TCF20: variants seen among roughly 807,000 people sequenced by gnomAD.
The protein encoded by TCF20 is SPRE-binding protein.
TCF20 carries 3 observed loss-of-function variants against 148.6 expected under a neutral mutation model. That is an observed-to-expected ratio of 0.02 (90% CI 0.01 to 0.05). The LOEUF (loss-of-function observed/expected upper bound fraction) is 0.05. Ranked by LOEUF, TCF20 falls within the 10% of genes least tolerant of loss-of-function variation. The pLI, the probability that TCF20 is intolerant of heterozygous loss-of-function variation, is 1.00. For missense variants in TCF20, 2,350 were observed against 2,429.3 expected, an observed-to-expected ratio of 0.97 and a Z score of 0.69; for synonymous variants, 1,049 against 909.5, an observed-to-expected ratio of 1.15 and a Z score of -2.76.
At chr22:42,240,833 T>C (rs1380290050) in intron 1 of TCF20, among the ~76,000 whole-genome samples, 1 of 151,618 alleles carries the variant, frequency 6.6e-6, no homozygotes, top group Non-Finnish European at 1.5e-5. Flanking sequence ...ATCTGGATAG[T>C]CCATAAAAAA....
intron 5 of TCF20, 80 bp from the exon 6 acceptor site, chr22:42,161,438 CT>C: frequency 1.9e-6 from 3 of 1,603,328 alleles, no homozygotes; most frequent in African/African-American, 1.3e-5. Flanking sequence ...CGTGGTACCC[CT>C]GGGAGCTTTC....
upstream of TCF20, chr22:42,274,826 G>A (rs1355441494): frequency 6.6e-6 from 1 of 152,172 alleles, no homozygotes; most frequent in African/African-American, 2.4e-5. Context: ...TGCAGGGTAG[G>A]GCACCATGTC....
intron 2 of TCF20, among the ~76,000 whole-genome samples, chr22:42,185,745 G>A (rs924971289): frequency 6.6e-6 from 1 of 152,214 alleles, no homozygotes. Flanking sequence ...AGCCCTAGGT[G>A]TTTTGGTCCT....
intron 2 of TCF20, among the ~76,000 whole-genome samples, chr22:42,197,307 T>C (rs1243422387): frequency 6.6e-6 from 1 of 151,872 alleles, no homozygotes; most frequent in Admixed American, 6.6e-5. Context: ...CATCATCTAA[T>C]TTACAGATGA....
intron 1 of TCF20, among the ~76,000 whole-genome samples, chr22:42,315,296 G>A (rs1282955032): frequency 6.6e-6 from 1 of 152,184 alleles, no homozygotes; most frequent in Non-Finnish European, 1.5e-5. Flanking sequence ...CATGCTGGGG[G>A]TGCAGGAGAG....
rs569744973 is a variant in TCF20 at position 42,328,053 on chromosome 22, G to A, written c.-37+15426C>T. On this transcript the variant is annotated intron_variant, in intron 1 of 1. Coordinates refer to the TCF20 transcript ENST00000515426. ...TCACAGCCCTTATGTCAGCTGCGAC[G>A]TTACTTTCACCTCTGTGAATATCTG... Among the ~76,000 whole-genome samples the A allele has an allele frequency of 5.9e-4, 90 of 152,096 alleles. 1 individual carries two copies. The South Asian group carries it at 0.018, about 30-fold the overall frequency.
intron 1 of TCF20, among the ~76,000 whole-genome samples, chr22:42,250,377 CAAAGGTTG>C: frequency 7.5e-6 from 1 of 132,554 alleles, no homozygotes; most frequent in Admixed American, 9.2e-5. Context: ...ACCCAGGAGA[CAAAGGTTG>C]CAGTGAGCCG....
At chr22:42,334,543 G>A (rs1230302628) in intron 1 of TCF20, among the ~76,000 whole-genome samples, 1 of 152,254 alleles carries the variant, frequency 6.6e-6, no homozygotes, top group Non-Finnish European at 1.5e-5. Flanking sequence ...GCAGAGCAGG[G>A]AACAGGCTAG....
chr22:42,205,484 A>G (rs1938323600), intron 2 of TCF20, among the ~76,000 whole-genome samples: 2 of 151,964 alleles, frequency 1.3e-5, no homozygotes, highest in Admixed American at 1.3e-4. Flanking sequence ...ATCTCTAATG[A>G]AATATATGTG....
intron 2 of TCF20, among the ~76,000 whole-genome samples, chr22:42,191,100 TC>T (rs1227184438): frequency 6.6e-6 from 1 of 152,158 alleles, no homozygotes; most frequent in Non-Finnish European, 1.5e-5. Context: ...CCAATCTATG[TC>T]CCCCTTCTGG....
chr22:42,173,651 G>C (rs1385543782), intron 3 of TCF20, among the ~76,000 whole-genome samples: 5 of 152,190 alleles, frequency 3.3e-5, no homozygotes, highest in African/African-American at 1.2e-4. Context: ...CATACACAGA[G>C]AGCAATTTCC....
At chr22:42,216,779 T>G (rs896979400) in intron 1 of TCF20, among the ~76,000 whole-genome samples, 1 of 152,180 alleles carries the variant, frequency 6.6e-6, no homozygotes, top group Non-Finnish European at 1.5e-5. Flanking sequence ...GGACCCAGAC[T>G]CTTTCAAAGT....
At chr22:42,244,953 C>T (rs966793472) in intron 1 of TCF20, among the ~76,000 whole-genome samples, 11 of 151,902 alleles carry the variant, frequency 7.2e-5, no homozygotes, top group African/African-American at 2.2e-4. Flanking sequence ...CATGGTGGTG[C>T]GCACCTGTAA....
chr22:42,161,274 GGGGCAGGGCA>G lies in TCF20; in HGVS notation c.*119_*128del, dbSNP rs1569089442. 1 of 1,603,836 alleles carries G rather than the reference GGGGCAGGGCA, an allele frequency of 6.2e-7. No homozygotes were observed. The highest frequency in any genetic ancestry group is 8.5e-7 in the Non-Finnish European group (1 of 1,173,412). On this transcript the variant is annotated 3_prime_UTR_variant, in exon 6 of 6. Coordinates refer to ENST00000677622, the MANE Select transcript of TCF20 (RefSeq NM_001378418.1). ...GGCAGGCACGCGGGCGGGGCGGGGCGGGGCAGGGCAGGGTGTGGCTGCACGGTAGGACGAT... is the reference window on the plus strand; with the variant it reads ...GGCAGGCACGCGGGCGGGGCGGGGCGGGGTGTGGCTGCACGGTAGGACGAT...
chr22:42,187,756 G>A (rs530667241), intron 2 of TCF20, among the ~76,000 whole-genome samples: 10 of 152,324 alleles, frequency 6.6e-5, no homozygotes, highest in Non-Finnish European at 1.3e-4. Flanking sequence ...CATTAAGAAT[G>A]TCCTTCTTTG....
chr22:42,184,814 C>T lies in TCF20; in HGVS notation c.5656-5112G>A, dbSNP rs1244955178. Among the ~76,000 whole-genome samples the T allele has an allele frequency of 2.6e-5, 4 of 152,066 alleles. No individual in the cohort carries two copies. In the East Asian group the frequency reaches 5.8e-4, roughly 22 times the overall value. Reference sequence around the variant, plus strand: ...ATTTTTAAAGAACTCTAATAAGAACCTCACATTTTTTGATACTCTAAACTT... The same window carrying T: ...ATTTTTAAAGAACTCTAATAAGAACTTCACATTTTTTGATACTCTAAACTT... On this transcript the variant is annotated intron_variant, in intron 2 of 5. Coordinates refer to ENST00000677622, the MANE Select transcript of TCF20 (RefSeq NM_001378418.1).
At chr22:42,295,103 C>T (rs144179478) in intron 1 of TCF20, among the ~76,000 whole-genome samples, 10 of 152,314 alleles carry the variant, frequency 6.6e-5, no homozygotes, top group South Asian at 6.2e-4. Flanking sequence ...GAGATGACAG[C>T]GTGGGGGGCA....
Position 42,215,312 on chromosome 22 carries a change from C to T in TCF20, c.-7G>A, listed in dbSNP as rs772349536. The T allele has an allele frequency of 5.0e-6, 8 of 1,595,950 alleles. No individual in the cohort carries two copies. The South Asian group carries it at 6.7e-5, about 13-fold the overall frequency. ...GCTCCCGAAAGGACTGCATACTGTT[C>T]AGCAGCACAGCAGCAGGCCAACAGC... On this transcript the variant is annotated 5_prime_UTR_variant, in exon 2 of 6. Transcript: ENST00000677622.
Position 42,299,827 on chromosome 22 carries a change from A to T in TCF20, c.-37+43652T>A, listed in dbSNP as rs1927301752. Among the ~76,000 whole-genome samples, 1 of 149,008 alleles carries T rather than the reference A, an allele frequency of 6.7e-6. No homozygotes were observed. Among genetic ancestry groups the T allele is most frequent in the Non-Finnish European group, 1.5e-5 (1 of 67,086 alleles). On this transcript the variant is annotated intron_variant, in intron 1 of 1. Coordinates refer to the TCF20 transcript ENST00000515426. This position sits in a 1 kb window ranked among gnomAD's most constrained non-coding sequence, Gnocchi z 4.1. ...TGGTGGGGATGGGGGAGGGGAAGAG[A>T]GAAGGGGGAGAAGGAAGCGGAGGGG...
Sources: allele counts gnomAD v4.1 joint callset (sites outside exome capture counted in the v4.1 genomes callset), GRCh38; gene constraint gnomAD v4.1.1; non-coding constraint Gnocchi (gnomAD v3.1); transcripts MANE v1.5; gene names NCBI Gene and HGNC (gene_info 2026-07-23, HGNC 2026-07-21).